The following TMEM114 variants were observed in gnomAD, a reference collection of about 807,000 sequenced individuals.
TMEM114 encodes claudin-26.
TMEM114 carries 6 observed loss-of-function variants against 6.2 expected under a neutral mutation model. That is an observed-to-expected ratio of 0.97 (90% CI 0.53 to 1.91). The LOEUF is 1.91. Among genes scored for constraint, TMEM114 ranks in the 40% most tolerant of loss-of-function variants. The pLI, the probability that TMEM114 is intolerant of heterozygous loss-of-function variation, is 0.01. For missense variants in TMEM114, 218 were observed against 158.3 expected (o/e 1.38, Z -2.02); for synonymous variants, 104 against 73.0 (o/e 1.42, Z -2.16).
downstream of TMEM114, among the ~76,000 whole-genome samples, chr16:8,533,462 T>C (rs1188422563): frequency 6.6e-6 from 1 of 152,080 alleles, no homozygotes; most frequent in African/African-American, 2.4e-5. Flanking sequence ...ATGGGCGAGG[T>C]GGTTATGGTT....
chr16:8,535,308 C>T (rs35473869), downstream of TMEM114, among the ~76,000 whole-genome samples: 87,062 of 151,992 alleles, frequency 0.57, 24,993 homozygotes, highest in South Asian at 0.68. Context: ...TTTATTATTA[C>T]TTTGATTCCT....
downstream of TMEM114, among the ~76,000 whole-genome samples, chr16:8,567,859 C>CA (rs1901596976): frequency 6.6e-6 from 1 of 152,172 alleles, no homozygotes; most frequent in Non-Finnish European, 1.5e-5. Context: ...TGGTTGCCCT[C>CA]ACTTTGCAAA....
chr16:8,533,700 T>C (rs1482430134), downstream of TMEM114, among the ~76,000 whole-genome samples: 2 of 152,194 alleles, frequency 1.3e-5, no homozygotes, highest in East Asian at 1.9e-4. Flanking sequence ...TTCAACTGAG[T>C]GTCCCATGAA....
chr16:8,570,152 C>A, intron 3 of TMEM114, 147 bp from the exon 4 acceptor site: 1 of 1,102,862 alleles, frequency 9.1e-7, no homozygotes. Flanking sequence ...GCTAGTCTCC[C>A]CGCTGGGTGC....
intron 2 of TMEM114, among the ~76,000 whole-genome samples, chr16:8,545,829 G>C (rs1900649227): frequency 6.6e-6 from 1 of 152,014 alleles, no homozygotes; most frequent in South Asian, 2.1e-4. Context: ...ATAAATAAAT[G>C]CTCAGCCAGG....
intron 2 of TMEM114, among the ~76,000 whole-genome samples, chr16:8,539,727 T>C (rs148043633): frequency 1.5e-3 from 229 of 152,014 alleles, no homozygotes; most frequent in African/African-American, 4.7e-3. Context: ...CCCATAGCAA[T>C]ATCCAGATTG....
At chr16:8,541,929 C>A (rs1385544510) in intron 2 of TMEM114, among the ~76,000 whole-genome samples, 1 of 152,160 alleles carries the variant, frequency 6.6e-6, no homozygotes, top group Non-Finnish European at 1.5e-5. Flanking sequence ...TTTCCAAGAA[C>A]AAAGGGCTTA....
chr16:8,550,240 A>C (rs934892714), intron 2 of TMEM114, among the ~76,000 whole-genome samples: 3 of 152,250 alleles, frequency 2.0e-5, no homozygotes, highest in Non-Finnish European at 4.4e-5. Context: ...CCACTGACTC[A>C]AATGATAATC....
chr16:8,562,608 GTGAA>G (rs751978780), intron 2 of TMEM114, among the ~76,000 whole-genome samples: 10 of 151,628 alleles, frequency 6.6e-5, no homozygotes, highest in Non-Finnish European at 8.8e-5. Flanking sequence ...GAGTGAGTGA[GTGAA>G]TGAGTGAGTG....
At chr16:8,588,286 C>CA (rs1192746678) in intron 2 of TMEM114, among the ~76,000 whole-genome samples, 84 of 134,426 alleles carry the variant, frequency 6.2e-4, no homozygotes, top group South Asian at 9.7e-4. Context: ...GACCCTGTCT[C>CA]AAAAAAAAAA....
chr16:8,559,153 C>T (rs1489549059), intron 2 of TMEM114, among the ~76,000 whole-genome samples: 5 of 152,154 alleles, frequency 3.3e-5, no homozygotes, highest in African/African-American at 9.7e-5. Flanking sequence ...AGTGATTGTC[C>T]TGCCTCAGCC....
At chr16:8,566,254 G>A (rs1016994604), downstream of TMEM114, among the ~76,000 whole-genome samples, 1 of 152,098 alleles carries the variant, frequency 6.6e-6, no homozygotes, top group Non-Finnish European at 1.5e-5. Flanking sequence ...GTGCGTGCCT[G>A]TAGTCCCAGC....
intron 2 of TMEM114, among the ~76,000 whole-genome samples, chr16:8,554,364 T>G (rs1900941017): frequency 6.6e-6 from 1 of 152,014 alleles, no homozygotes; most frequent in Non-Finnish European, 1.5e-5. Flanking sequence ...AAGACTGCAG[T>G]GATCTATGAT....
At chr16:8,561,415 C>T (rs956410709) in intron 2 of TMEM114, among the ~76,000 whole-genome samples, 2 of 152,222 alleles carry the variant, frequency 1.3e-5, no homozygotes, top group African/African-American at 4.8e-5. Flanking sequence ...ACCCCGCATT[C>T]CACCAGCCAT....
chr16:8,579,731 A>C (rs1902070870), intron 2 of TMEM114, among the ~76,000 whole-genome samples: 1 of 152,198 alleles, frequency 6.6e-6, no homozygotes, highest in South Asian at 2.1e-4. Flanking sequence ...AGACTGTACC[A>C]GGTGGGAGTT....
At chr16:8,531,732 AAT>A in the TMEM114 span, among the ~76,000 whole-genome samples, 2 of 152,360 alleles carry the variant, frequency 1.3e-5, no homozygotes, top group East Asian at 3.9e-4. Flanking sequence ...CACTCAGTTG[AAT>A]AGTCTGTGGA....
intron 2 of TMEM114, among the ~76,000 whole-genome samples, chr16:8,547,549 C>T (rs1232486943): frequency 1.3e-5 from 2 of 152,040 alleles, no homozygotes; most frequent in South Asian, 2.1e-4. Context: ...CCCGCCACTA[C>T]GCCTGGCCAA....
chr16:8,558,868 G>A (rs1480863268), intron 2 of TMEM114, among the ~76,000 whole-genome samples: 1 of 147,740 alleles, frequency 6.8e-6, no homozygotes, highest in Non-Finnish European at 1.5e-5. Flanking sequence ...AGCCTCCCGA[G>A]TAGCTGGGAC....
At chr16:8,536,823 G>T (rs766476683), downstream of TMEM114, among the ~76,000 whole-genome samples, 44 of 152,246 alleles carry the variant, frequency 2.9e-4, no homozygotes, top group Non-Finnish European at 5.3e-4. Flanking sequence ...AGTAGTAAAA[G>T]GCAGAGCAGG....
Sources: gnomAD v4.1 joint callset for allele counts (sites outside exome capture counted in the v4.1 genomes callset) on GRCh38, gnomAD v4.1.1 for gene constraint, MANE v1.5 for transcripts, NCBI Gene and HGNC (gene_info 2026-07-23, HGNC 2026-07-21) for gene names.